MYO1B: variants seen among roughly 807,000 people sequenced by gnomAD.
The protein encoded by MYO1B is unconventional myosin-Ib.
MYO1B carries 72 observed loss-of-function variants against 159.7 expected under a neutral mutation model. The ratio of observed to expected loss-of-function variants is 0.45; its 90% CI spans 0.37 to 0.55. MYO1B has a LOEUF of 0.55. Among genes scored for constraint, MYO1B ranks in the 20% least tolerant of loss-of-function variants. The pLI, the probability that MYO1B is intolerant of heterozygous loss-of-function variation, is 0.00. For synonymous variants in MYO1B, 468 were observed against 473.8 expected (o/e 0.99, Z 0.16); for missense variants, 1,062 against 1,364.8 (o/e 0.78, Z 3.50).
At chr2:191,360,781 T>C in intron 8 of MYO1B, 52 bp downstream of exon 8, 1 of 1,355,922 alleles carries the variant, frequency 7.4e-7, no homozygotes, top group Non-Finnish European at 1.0e-6. Context: ...GTTGTTGTTG[T>C]TGTTGTTGGA....
In MYO1B at chr2:191,277,042, C is replaced by A. The variant is rs757408431; in HGVS notation, c.135+12C>A. 8.1e-6 allele frequency: 13 copies of A among 1,611,422 alleles called. No homozygotes were observed. The highest frequency in any genetic ancestry group is 1.1e-5 in the Non-Finnish European group (13 of 1,179,318). On this transcript the variant is annotated intron_variant, in intron 2 of 30. Transcript: ENST00000392318. ...ACAGTGAAATATACGTAAGTACACA[C>A]GAAGGTCATCTGTAATGTTTAGACT...
intron 2 of MYO1B, among the ~76,000 whole-genome samples, chr2:191,290,708 C>A (rs1263504010): frequency 6.6e-6 from 1 of 152,130 alleles, no homozygotes; most frequent in Non-Finnish European, 1.5e-5. Context: ...AGCTATAGTA[C>A]GGCCCTTTTT....
At chr2:191,397,547 T>C (rs1696195615) in intron 21 of MYO1B, among the ~76,000 whole-genome samples, 1 of 151,704 alleles carries the variant, frequency 6.6e-6, no homozygotes, top group African/African-American at 2.4e-5. Flanking sequence ...GGCAGAAGAA[T>C]TTTTCTTAGT....
intron 3 of MYO1B, among the ~76,000 whole-genome samples, chr2:191,312,013 A>AATTATAT (rs1690031051): frequency 1.3e-5 from 2 of 152,232 alleles, no homozygotes; most frequent in Non-Finnish European, 2.9e-5. Context: ...TTAATGTCAT[A>AATTATAT]CTTTGTCTTA....
chr2:191,258,971 C>G (rs1686632755), intron 1 of MYO1B, among the ~76,000 whole-genome samples: 1 of 152,222 alleles, frequency 6.6e-6, no homozygotes, highest in Non-Finnish European at 1.5e-5. Flanking sequence ...TCTTCTGCAA[C>G]TCGGATGGAG....
At position 191,389,100 on chromosome 2, in the gene MYO1B, AATGTATATGT is replaced by A. The variant is rs1376537851; in HGVS notation, c.1782-1190_1782-1181del. Among the ~76,000 whole-genome samples the A allele has an allele frequency of 2.6e-5, 4 of 152,114 alleles. No homozygotes were observed. The East Asian group carries it at 7.7e-4, about 29-fold the overall frequency. The stretch of plus-strand genomic sequence containing the variant: ...TGTGGCCTTTATTGATAATCTGTTG[AATGTATATGT>A]AGGGATCTGAACTTACTAGGCCATT... On this transcript the variant is annotated intron_variant, in intron 17 of 30. Transcript: ENST00000392318.
intron 2 of MYO1B, among the ~76,000 whole-genome samples, chr2:191,294,669 G>A (rs1481430642): frequency 1.3e-5 from 2 of 150,474 alleles, no homozygotes; most frequent in East Asian, 3.8e-4. Flanking sequence ...TAGAATGTTA[G>A]AAATAAATGT....
At chr2:191,284,578 ACTGT>A (rs1473434043) in intron 2 of MYO1B, among the ~76,000 whole-genome samples, 2 of 152,140 alleles carry the variant, frequency 1.3e-5, no homozygotes, top group African/African-American at 4.8e-5. Context: ...AGGTGCCCCG[ACTGT>A]CTGAAAAACT....
At chr2:191,346,682 G>T (rs573114776) in intron 6 of MYO1B, among the ~76,000 whole-genome samples, 1 of 152,324 alleles carries the variant, frequency 6.6e-6, no homozygotes, top group East Asian at 1.9e-4. Flanking sequence ...GTCCAGAAAG[G>T]ATGGGATGTA....
At chr2:191,272,490 G>T (rs1687510825) in intron 1 of MYO1B, among the ~76,000 whole-genome samples, 1 of 152,116 alleles carries the variant, frequency 6.6e-6, no homozygotes, top group Non-Finnish European at 1.5e-5. Context: ...ACCTCTCCTG[G>T]GCTACATCTG....
At position 191,396,643 on chromosome 2, in the gene MYO1B, T is replaced by C. The variant is rs573229831; in HGVS notation, c.2295+146T>C. On this transcript the variant is annotated intron_variant, in intron 21 of 30. Transcript: ENST00000392318. ...AGTCAGATGGAAAGAATAAATATTA[T>C]GGGCCAAACGGGGACCCTGGTGACC... The C allele has an allele frequency of 3.1e-5, 23 of 743,268 alleles. No homozygotes were observed. In the South Asian group the frequency reaches 3.7e-4, roughly 12 times the overall value. 46.0% of individuals were successfully genotyped at this position (743,268 alleles called of 1,614,324 possible). A position where few individuals can be genotyped will look rare whatever the true frequency, so the allele number is the denominator to read the frequency against.
intron 1 of MYO1B, among the ~76,000 whole-genome samples, chr2:191,274,081 G>A (rs1232142281): frequency 1.3e-5 from 2 of 152,192 alleles, no homozygotes; most frequent in Non-Finnish European, 2.9e-5. Context: ...CCTTGAGAAT[G>A]AGGTAGGCTG....
At chr2:191,266,165 A>G (rs1687128839) in intron 1 of MYO1B, among the ~76,000 whole-genome samples, 1 of 152,196 alleles carries the variant, frequency 6.6e-6, no homozygotes, top group Non-Finnish European at 1.5e-5. Flanking sequence ...GATCAACTGC[A>G]AATGAGGTAA....
chr2:191,357,005 A>G (rs1693335998), intron 7 of MYO1B, among the ~76,000 whole-genome samples: 1 of 152,216 alleles, frequency 6.6e-6, no homozygotes, highest in Non-Finnish European at 1.5e-5. Flanking sequence ...ACCTCACAAG[A>G]CAAAGCTGAT....
intron 18 of MYO1B, among the ~76,000 whole-genome samples, chr2:191,390,845 G>A (rs1233407872): frequency 8.5e-5 from 13 of 152,242 alleles, no homozygotes; most frequent in Admixed American, 7.9e-4. Flanking sequence ...GAATTTGGCT[G>A]CAGAGAGAAT....
At chr2:191,307,251 C>T (rs1164108451) in intron 3 of MYO1B, among the ~76,000 whole-genome samples, 4 of 151,724 alleles carry the variant, frequency 2.6e-5, no homozygotes, top group Non-Finnish European at 4.4e-5. Context: ...TTTTAGACCA[C>T]GTAGAGTAAC....
intron 1 of MYO1B, among the ~76,000 whole-genome samples, chr2:191,252,621 C>A (rs1686188822): frequency 1.3e-5 from 2 of 152,100 alleles, no homozygotes; most frequent in African/African-American, 4.8e-5. Context: ...TAAAGGTCAC[C>A]ACTGTAACCC....
intron 30 of MYO1B, among the ~76,000 whole-genome samples, chr2:191,416,662 A>T (rs1347701227): frequency 4.6e-5 from 7 of 152,014 alleles, no homozygotes; most frequent in Non-Finnish European, 1.5e-5. Flanking sequence ...AATACAAAAA[A>T]AATTAGCTGG....
chr2:191,388,580 T>C lies in MYO1B; in HGVS notation c.1781+1130T>C, dbSNP rs375909481. Among the ~76,000 whole-genome samples the C allele has an allele frequency of 3.7e-4, 57 of 152,298 alleles. No individual in the cohort carries two copies. In the Middle Eastern group the frequency reaches 0.014, roughly 37 times the overall value. On this transcript the variant is annotated intron_variant, in intron 17 of 30. Coordinates refer to ENST00000392318, the MANE Select transcript of MYO1B (RefSeq NM_001130158.3). ...ATATTTATATTTACAGAAATGTAAG[T>C]AGACAAAACCCTCTGGTTTGATTGC...
Sources: gnomAD v4.1 joint callset for allele counts (sites outside exome capture counted in the v4.1 genomes callset) on GRCh38, gnomAD v4.1.1 for gene constraint, MANE v1.5 for transcripts, NCBI Gene and HGNC (gene_info 2026-07-23, HGNC 2026-07-21) for gene names.